Variants in PRKCB observed in about 807,000 individuals in gnomAD.
PRKCB encodes the protein protein kinase C beta.
A neutral mutation model predicts 81.5 loss-of-function variants in PRKCB; 13 were observed. The observed-to-expected ratio is 0.16, with a 90% CI of 0.10 to 0.25. PRKCB has a LOEUF of 0.25. PRKCB is among the 10% of genes least tolerant of loss of function. The pLI is 1.00. For missense variants in PRKCB, 509 were observed against 875.7 expected (o/e 0.58, Z 5.29); for synonymous variants, 335 against 321.4 (o/e 1.04, Z -0.45).
At chr16:24,003,386 G>A (rs1016024262) in intron 3 of PRKCB, among the ~76,000 whole-genome samples, 1 of 130,840 alleles carries the variant, frequency 7.6e-6, no homozygotes, top group South Asian at 2.5e-4. Flanking sequence ...TCCTGCATTC[G>A]TTTTTTTTTT....
chr16:24,023,963 A>G (rs1228662474), intron 3 of PRKCB, among the ~76,000 whole-genome samples: 1 of 152,216 alleles, frequency 6.6e-6, no homozygotes, highest in Non-Finnish European at 1.5e-5. Flanking sequence ...GTTGTAGGTA[A>G]CATGCCTACC....
At chr16:23,836,466 C>T in intron 1 of PRKCB, 118 bp downstream of exon 1, 9 of 1,393,720 alleles carry the variant, frequency 6.5e-6, no homozygotes, top group Non-Finnish European at 8.6e-6. Flanking sequence ...CCCCGCGTCT[C>T]CGGACTCCCG....
intron 2 of PRKCB, among the ~76,000 whole-genome samples, chr16:23,954,728 A>C (rs995453104): frequency 1.3e-5 from 2 of 152,190 alleles, no homozygotes; most frequent in African/African-American, 4.8e-5. Context: ...TTGGGAATAA[A>C]ATACTCATCT....
rs145964636 is a variant in PRKCB at position 24,076,049 on chromosome 16, G to A, written c.530-16742G>A. Among the ~76,000 whole-genome samples the A allele has an allele frequency of 2.6e-3, 399 of 152,290 alleles. 1 individual carries two copies. Among genetic ancestry groups the A allele is most frequent in the Non-Finnish European group, 4.0e-3 (269 of 68,026 alleles). On this transcript the variant is annotated intron_variant, in intron 5 of 16. Coordinates refer to ENST00000643927, the MANE Select transcript of PRKCB (RefSeq NM_002738.7). ...GTTGGTGTGCTGCACCCACTAACTC[G>A]TCATTTACATTAGGTGGGAGGAATA... is the stretch of plus-strand genomic sequence containing the variant.
chr16:23,912,087 C>T (rs1415564702), intron 2 of PRKCB, among the ~76,000 whole-genome samples: 2 of 152,200 alleles, frequency 1.3e-5, no homozygotes, highest in East Asian at 1.9e-4. Flanking sequence ...CCACCTCCGC[C>T]TCCCAAAGCG....
chr16:24,089,806 A>G (rs1355500972), intron 5 of PRKCB, among the ~76,000 whole-genome samples: 2 of 149,454 alleles, frequency 1.3e-5, no homozygotes, highest in Admixed American at 1.3e-4. Context: ...CACACACACA[A>G]CAAAAACGTA....
chr16:23,969,421 G>A (rs1013401185), intron 2 of PRKCB, among the ~76,000 whole-genome samples: 1 of 152,110 alleles, frequency 6.6e-6, no homozygotes, highest in Non-Finnish European at 1.5e-5. Context: ...TAATGTTTTT[G>A]AGACTCACGC....
intron 3 of PRKCB, among the ~76,000 whole-genome samples, chr16:23,999,526 C>T (rs779327478): frequency 1.4e-4 from 21 of 152,170 alleles, no homozygotes; most frequent in Non-Finnish European, 2.4e-4. Context: ...TATGGGCACT[C>T]GCCATTGGAG....
At chr16:23,887,142 A>G (rs1363821199) in intron 2 of PRKCB, among the ~76,000 whole-genome samples, 1 of 152,156 alleles carries the variant, frequency 6.6e-6, no homozygotes, top group Non-Finnish European at 1.5e-5. Context: ...CACTGAAAGC[A>G]AATATTGTAG....
intron 5 of PRKCB, among the ~76,000 whole-genome samples, chr16:24,056,320 G>T (rs376377290): frequency 6.6e-6 from 1 of 152,130 alleles, no homozygotes; most frequent in South Asian, 2.1e-4. Context: ...CAGCTTATGG[G>T]GACTTGTGGG....
intron 2 of PRKCB, among the ~76,000 whole-genome samples, chr16:23,859,666 C>T (rs1428651975): frequency 6.6e-6 from 1 of 152,000 alleles, no homozygotes; most frequent in African/African-American, 2.4e-5. Flanking sequence ...GGAAGAATGT[C>T]AGTGAGGTGC....
chr16:23,874,207 C>T (rs77165148), intron 2 of PRKCB, among the ~76,000 whole-genome samples: 26,713 of 152,146 alleles, frequency 0.18, 2,898 homozygotes, highest in South Asian at 0.33. Context: ...AAAACGGCAG[C>T]GTAGGATTTT....
At chr16:24,065,795 G>A (rs2141880796) in intron 5 of PRKCB, among the ~76,000 whole-genome samples, 1 of 152,280 alleles carries the variant, frequency 6.6e-6, no homozygotes, top group Non-Finnish European at 1.5e-5. Flanking sequence ...GATTGCTTGA[G>A]CTCAAGACTT....
At chr16:24,187,957 A>G (rs975294460) in intron 15 of PRKCB, among the ~76,000 whole-genome samples, 6 of 152,382 alleles carry the variant, frequency 3.9e-5, no homozygotes, top group East Asian at 3.9e-4. Flanking sequence ...ATGAGATAAC[A>G]TAAGAGAAAG....
At chr16:23,919,387 CA>C (rs55957044) in intron 2 of PRKCB, among the ~76,000 whole-genome samples, 1 of 146,036 alleles carries the variant, frequency 6.8e-6, no homozygotes. Context: ...GACGAATTTG[CA>C]AAAAAAAAAA....
chr16:23,930,219 G>T (rs1238576604), intron 2 of PRKCB, among the ~76,000 whole-genome samples: 1 of 152,088 alleles, frequency 6.6e-6, no homozygotes, highest in Non-Finnish European at 1.5e-5. Context: ...GCCACACTTT[G>T]TATGGATTGT....
At chr16:24,038,656 G>A (rs548716747) in intron 5 of PRKCB, among the ~76,000 whole-genome samples, 7 of 152,332 alleles carry the variant, frequency 4.6e-5, no homozygotes, top group South Asian at 4.1e-4. Flanking sequence ...TGCTGTGGCC[G>A]AGTTCTCTAA....
rs150428318 is a variant in PRKCB at position 24,111,587 on chromosome 16, G to A, written c.822-1386G>A. ...GGATTGCTTGAGCCCAGGAGTTCAA[G>A]ACTGGCCTGAGCAACATAGCAAGAC... On this transcript the variant is annotated intron_variant, in intron 7 of 16. Coordinates refer to ENST00000643927, the MANE Select transcript of PRKCB (RefSeq NM_002738.7). 7.9e-4 allele frequency among the ~76,000 whole-genome samples: 119 copies of A among 151,164 alleles called. No homozygotes were observed. In the Middle Eastern group the frequency reaches 0.017, roughly 22 times the overall value.
intron 13 of PRKCB, among the ~76,000 whole-genome samples, chr16:24,181,772 A>AAAAAAAAAAG: frequency 1.9e-5 from 1 of 51,514 alleles, no homozygotes; most frequent in Non-Finnish European, 3.9e-5. Context: ...ACCCTGTCTC[A>AAAAAAAAAAG]AAAAAAAAAA....
Sources: allele counts gnomAD v4.1 joint callset (sites outside exome capture counted in the v4.1 genomes callset), GRCh38; gene constraint gnomAD v4.1.1; transcripts MANE v1.5; gene names NCBI Gene and HGNC (gene_info 2026-07-23, HGNC 2026-07-21).